CHD7: variants seen among roughly 807,000 people sequenced by gnomAD.
CHD7 encodes chromodomain helicase DNA binding protein 7.
CHD7 carries 24 observed loss-of-function variants against 307.3 expected under a neutral mutation model. The ratio of observed to expected loss-of-function variants is 0.08; its 90% CI spans 0.06 to 0.11. CHD7 has a LOEUF of 0.11. CHD7 is among the 10% of genes least tolerant of loss of function. CHD7 has a pLI of 1.00. For synonymous variants in CHD7, 1,363 were observed against 1,349.9 expected, an observed-to-expected ratio of 1.01 and a Z score of -0.21; for missense variants, 3,106 against 3,727.1, an observed-to-expected ratio of 0.83 and a Z score of 4.34.
intron 15 of CHD7, among the ~76,000 whole-genome samples, chr8:60,835,206 C>G (rs1804685509): frequency 6.6e-6 from 1 of 152,192 alleles, no homozygotes; most frequent in Non-Finnish European, 1.5e-5. Flanking sequence ...GGAAGCTTAG[C>G]CTGCTGCTTC....
chr8:60,757,230 G>A (rs1809945110), intron 2 of CHD7, among the ~76,000 whole-genome samples: 1 of 152,166 alleles, frequency 6.6e-6, no homozygotes, highest in Non-Finnish European at 1.5e-5. Flanking sequence ...GTAGGCCCTT[G>A]TGGTTAGGAA....
chr8:60,703,933 T>C (rs935054975), intron 1 of CHD7, among the ~76,000 whole-genome samples: 2 of 152,166 alleles, frequency 1.3e-5, no homozygotes, highest in Non-Finnish European at 2.9e-5. Context: ...CTCTTAATCT[T>C]TCAAGGCCCT....
At chr8:60,758,068 T>C (rs942863414) in intron 2 of CHD7, among the ~76,000 whole-genome samples, 28 of 152,244 alleles carry the variant, frequency 1.8e-4, no homozygotes, top group African/African-American at 6.5e-4. Context: ...ATTTAAAAAA[T>C]ACATTTATTC....
chr8:60,852,432 AAAG>A, intron 29 of CHD7, 63 bp from the exon 30 acceptor site: 1 of 1,469,702 alleles, frequency 6.8e-7, no homozygotes, highest in Non-Finnish European at 9.3e-7. Flanking sequence ...GGGAAGAAGA[AAAG>A]AAACAGTAAA....
In CHD7 at chr8:60,852,665, T is replaced by C; in HGVS notation, c.6062T>C (p.Met2021Thr). The change falls in exon 30 of 38, where the codon ATG (methionine) becomes ACG (threonine). Residue 2021 changes from methionine (M) to threonine (T), a missense_variant. This residue lies in a region of CHD7 where 1,030 missense variants were observed against 1,165.4 expected (regional missense o/e 0.88). Transcript: ENST00000423902. ...LEKYFSCFVA[M>T]CRRVCRMPVK... ...AAATACTTCAGTTGTTTTGTGGCCA[T>C]GTGTAGGCGAGTATGTCGAATGCCC... The C allele has an allele frequency of 6.2e-7, 1 of 1,613,956 alleles. No individual in the cohort carries two copies. Among genetic ancestry groups the C allele is most frequent in the Non-Finnish European group, 8.5e-7 (1 of 1,179,878 alleles).
rs114627682 is a variant in CHD7 at position 60,697,933 on chromosome 8, C to T, written c.-175+18851C>T. On this transcript the variant is annotated intron_variant, in intron 1 of 37. Transcript: ENST00000423902. The stretch of plus-strand genomic sequence containing the variant: ...TTAGGTGTTTGAACATGACCCTCCT[C>T]AGCTACTGGACCAAATGTAAACAGT... Among the ~76,000 whole-genome samples the T allele has an allele frequency of 2.8e-3, 421 of 152,320 alleles. 1 individual carries two copies. The highest frequency in any genetic ancestry group is 9.7e-3 in the African/African-American group (402 of 41,576).
chr8:60,686,326 TC>T (rs1243714895), intron 1 of CHD7, among the ~76,000 whole-genome samples: 1 of 148,350 alleles, frequency 6.7e-6, no homozygotes, highest in African/African-American at 2.5e-5. Context: ...TAATACTATT[TC>T]TTCAACTTGC....
chr8:60,743,125 A>G (rs1809143573), intron 2 of CHD7, 28 bp downstream of exon 2: 1 of 1,584,538 alleles, frequency 6.3e-7, no homozygotes, highest in East Asian at 2.3e-5. Flanking sequence ...CTACCTCTGC[A>G]TTGCAGTGTG....
At chr8:60,819,586 A>G (rs1361095766) in intron 8 of CHD7, among the ~76,000 whole-genome samples, 1 of 152,218 alleles carries the variant, frequency 6.6e-6, no homozygotes, top group African/African-American at 2.4e-5. Context: ...TAGATATGCT[A>G]TAAGGCATCG....
chr8:60,854,407 G>A lies in CHD7; in HGVS notation c.6820G>A (p.Ala2274Thr). 1.9e-6 allele frequency: 3 copies of A among 1,613,732 alleles called. No homozygotes were observed. Among genetic ancestry groups the A allele is most frequent in the Non-Finnish European group, 2.5e-6 (3 of 1,179,726 alleles). ...GAAGAATTTTGATGAAGAAAGCAAT[G>A]CTTCCATGAGCACTGCTAGAGATGA... Reference protein sequence around the residue: ...RGKNFDEESNASMSTARDETR... With the variant: ...RGKNFDEESNTSMSTARDETR... Residue 2274 changes from alanine (A) to threonine (T), a missense_variant, in exon 32 of 38, where the codon GCT becomes ACT. Physicochemically the swap from Ala to Thr is moderately conservative, Grantham distance 58. Around this residue, in one of 10 missense-constraint regions of CHD7, gnomAD observed 1,030 missense variants for 1,165.4 expected, o/e 0.88. Transcript: ENST00000423902.
At chr8:60,755,563 A>G (rs1448971609) in intron 2 of CHD7, among the ~76,000 whole-genome samples, 2 of 152,230 alleles carry the variant, frequency 1.3e-5, no homozygotes, top group Non-Finnish European at 1.5e-5. Flanking sequence ...AAATAAAAAT[A>G]TTGGTAAAAA....
chr8:60,821,970 A>T lies in CHD7; in HGVS notation c.2835+43A>T, dbSNP rs776574351. ...GTAGAGAATTTAATTTGAAAATAGCATAGTGGTGTGGTCTTTGGGAAACCA... is the reference window on the plus strand; with the variant it reads ...GTAGAGAATTTAATTTGAAAATAGCTTAGTGGTGTGGTCTTTGGGAAACCA... On this transcript the variant is annotated intron_variant, in intron 10 of 37. Transcript: ENST00000423902. The T allele has an allele frequency of 6.2e-6, 10 of 1,613,346 alleles. No individual in the cohort carries two copies. In the Admixed American group the frequency reaches 1.7e-4, roughly 27 times the overall value.
intron 1 of CHD7, among the ~76,000 whole-genome samples, chr8:60,697,256 G>GT (rs1806525462): frequency 6.6e-6 from 1 of 152,166 alleles, no homozygotes; most frequent in Non-Finnish European, 1.5e-5. Context: ...CCTTGGAATT[G>GT]TATCTTTCTC....
At chr8:60,755,767 G>A (rs1809862521) in intron 2 of CHD7, among the ~76,000 whole-genome samples, 1 of 152,114 alleles carries the variant, frequency 6.6e-6, no homozygotes, top group African/African-American at 2.4e-5. Flanking sequence ...TGTATGTTCA[G>A]TCAACTCAAG....
At chr8:60,700,795 CTT>C (rs1170366012) in intron 1 of CHD7, among the ~76,000 whole-genome samples, 2 of 152,208 alleles carry the variant, frequency 1.3e-5, no homozygotes, top group African/African-American at 4.8e-5. Flanking sequence ...GGGAAAGCGA[CTT>C]AAGTTCTGAA....
At chr8:60,800,673 G>A (rs934196625) in intron 5 of CHD7, 148 bp downstream of exon 5, 4 of 733,610 alleles carry the variant, frequency 5.5e-6, no homozygotes, top group Admixed American at 6.4e-5. Context: ...TGGGAAATTC[G>A]TTGTTTAGCA....
chr8:60,862,929 C>G lies in CHD7; in HGVS notation c.8076+277C>G, dbSNP rs1806071555. 1.0e-5 allele frequency: 4 copies of G among 383,994 alleles called. No homozygotes were observed. In the East Asian group the frequency reaches 1.4e-4, roughly 13 times the overall value. The allele number at this position is 383,994 out of a possible 1,614,324, so 23.8% of individuals were successfully genotyped here. A position where few individuals can be genotyped will look rare whatever the true frequency, so the allele number is the denominator to read the frequency against. Reference sequence around the variant, plus strand: ...CCAGGGGGGATTGCCCCAGCTAAGCCTACTTAACAGCTCACCTGTGGAATA... The same window carrying G: ...CCAGGGGGGATTGCCCCAGCTAAGCGTACTTAACAGCTCACCTGTGGAATA... On this transcript the variant is annotated intron_variant, in intron 37 of 37. Transcript: ENST00000423902.
intron 2 of CHD7, among the ~76,000 whole-genome samples, chr8:60,745,514 CCTT>C (rs34063122): frequency 0.46 from 69,848 of 151,866 alleles, 19,570 homozygotes; most frequent in East Asian, 0.78. Context: ...TGCATTCCCT[CCTT>C]CTTTGAATGT....
At chr8:60,845,107 A>G in intron 22 of CHD7, 44 bp downstream of exon 22, 3 of 1,602,344 alleles carry the variant, frequency 1.9e-6, no homozygotes, top group Non-Finnish European at 2.6e-6. Context: ...TCACAAAGCC[A>G]CCAGGAACTT....
Sources: allele counts gnomAD v4.1 joint callset (sites outside exome capture counted in the v4.1 genomes callset), GRCh38; gene constraint gnomAD v4.1.1; regional missense constraint gnomAD v4.1.1; transcripts MANE v1.5; gene names NCBI Gene and HGNC (gene_info 2026-07-23, HGNC 2026-07-21).